Variants in ADIPOR2 observed in about 807,000 individuals in gnomAD.
The protein encoded by ADIPOR2 is adiponectin receptor protein 2.
A neutral mutation model predicts 40.9 loss-of-function variants in ADIPOR2; 18 were observed. The ratio of observed to expected loss-of-function variants is 0.44; its 90% CI spans 0.30 to 0.65. The LOEUF (loss-of-function observed/expected upper bound fraction) is 0.65, where lower values mean the gene tolerates loss of function less well. ADIPOR2 is among the 30% of genes least tolerant of loss of function. The pLI, the probability that ADIPOR2 is intolerant of heterozygous loss-of-function variation, is 0.09. For synonymous variants in ADIPOR2, 165 were observed against 166.4 expected (o/e 0.99, Z 0.06); for missense variants, 283 against 479.2 (o/e 0.59, Z 3.82).
intron 1 of ADIPOR2, among the ~76,000 whole-genome samples, chr12:1,700,194 A>G (rs2094647454): frequency 1.3e-5 from 2 of 152,220 alleles, no homozygotes; most frequent in South Asian, 4.1e-4. Flanking sequence ...AAAAGGGGCA[A>G]AATTAGTTAG....
intron 1 of ADIPOR2, among the ~76,000 whole-genome samples, chr12:1,719,818 G>A (rs1197042383): frequency 6.6e-6 from 1 of 152,102 alleles, no homozygotes; most frequent in Non-Finnish European, 1.5e-5. Flanking sequence ...GGGATTACAG[G>A]TATGTACCAC....
chr12:1,780,968 CA>C lies in ADIPOR2; in HGVS notation c.732del (p.Gln244HisfsTer7). On this transcript the variant is annotated frameshift_variant, in exon 6 of 8. Transcript: ENST00000357103. LOFTEE classifies it high-confidence loss of function. ...TTATTATTCTTTCTACTGTAATCCACAACCTTGCTTCATCTACTTGATTGTC... is the reference window on the plus strand; with the variant it reads ...TTATTATTCTTTCTACTGTAATCCACACCTTGCTTCATCTACTTGATTGTC... ...WLYYSFYCNP[Q>X]PCFIYLIVIC... is the part of the protein sequence containing the mutation. 6.2e-7 allele frequency: 1 copy of C among 1,613,818 alleles called. No individual in the cohort carries two copies. The highest frequency in any genetic ancestry group is 8.5e-7 in the Non-Finnish European group (1 of 1,179,842).
intron 2 of ADIPOR2, among the ~76,000 whole-genome samples, chr12:1,762,291 CAT>C (rs1444196628): frequency 6.6e-6 from 1 of 152,032 alleles, no homozygotes. Context: ...ATTTGTGTGA[CAT>C]ATATTTATGT....
intron 2 of ADIPOR2, among the ~76,000 whole-genome samples, chr12:1,768,637 T>C (rs949168167): frequency 1.3e-5 from 2 of 152,272 alleles, no homozygotes; most frequent in African/African-American, 4.8e-5. Flanking sequence ...ATTATTTTCA[T>C]ATTAGACTGA....
chr12:1,737,695 G>A (rs1470745866), intron 1 of ADIPOR2, among the ~76,000 whole-genome samples: 1 of 152,066 alleles, frequency 6.6e-6, no homozygotes. Context: ...CAATTCTTGT[G>A]CCCCAGCCTC....
intron 2 of ADIPOR2, among the ~76,000 whole-genome samples, chr12:1,771,730 T>C (rs1263241831): frequency 6.6e-6 from 1 of 152,226 alleles, no homozygotes; most frequent in Non-Finnish European, 1.5e-5. Flanking sequence ...TTGTAGTAGA[T>C]TACCCATTGC....
intron 1 of ADIPOR2, among the ~76,000 whole-genome samples, chr12:1,738,209 C>CAAAA (rs56395738): frequency 5.8e-5 from 5 of 85,596 alleles, no homozygotes; most frequent in Non-Finnish European, 6.5e-5. Context: ...CCTGTCTCTA[C>CAAAA]AAAAAAAAAA....
intron 2 of ADIPOR2, among the ~76,000 whole-genome samples, chr12:1,764,787 A>G (rs183063762): frequency 6.6e-6 from 1 of 152,080 alleles, no homozygotes; most frequent in Non-Finnish European, 1.5e-5. Flanking sequence ...CATTGTAATC[A>G]TTCCATATGT....
intron 1 of ADIPOR2, among the ~76,000 whole-genome samples, chr12:1,695,501 A>T (rs2094636633): frequency 6.6e-6 from 1 of 151,108 alleles, no homozygotes; most frequent in Middle Eastern, 3.4e-3. Flanking sequence ...CCAAAAATAT[A>T]TTAAAAAAAA....
intron 1 of ADIPOR2, among the ~76,000 whole-genome samples, chr12:1,713,861 T>C (rs898308824): frequency 6.6e-5 from 10 of 152,020 alleles, no homozygotes; most frequent in Non-Finnish European, 8.8e-5. Flanking sequence ...TAACGGACCT[T>C]GAGGACAGCC....
intron 2 of ADIPOR2, among the ~76,000 whole-genome samples, chr12:1,767,068 G>A (rs987091136): frequency 9.2e-5 from 14 of 151,998 alleles, no homozygotes; most frequent in Admixed American, 2.0e-4. Context: ...TCAGGAGTTC[G>A]AGACCAGCCT....
chr12:1,734,060 G>A (rs916997919), intron 1 of ADIPOR2, among the ~76,000 whole-genome samples: 5 of 152,084 alleles, frequency 3.3e-5, no homozygotes, highest in Admixed American at 1.3e-4. Context: ...ATAGAGTGCC[G>A]CAATAAACAT....
At chr12:1,728,416 G>C (rs945072460) in intron 1 of ADIPOR2, among the ~76,000 whole-genome samples, 12 of 151,686 alleles carry the variant, frequency 7.9e-5, no homozygotes. Context: ...GCCTCATGCA[G>C]AGCTTTAAAA....
At chr12:1,738,251 T>C (rs961627574) in intron 1 of ADIPOR2, among the ~76,000 whole-genome samples, 1 of 150,176 alleles carries the variant, frequency 6.7e-6, no homozygotes, top group Non-Finnish European at 1.5e-5. Context: ...CATGGTGGTA[T>C]GTGCCTGTGG....
rs995305999 is a variant in ADIPOR2 at position 1,754,212 on chromosome 12, C to T, written c.-86-46C>T. ...ATGTGATAATATAACTGATATTTTC[C>T]CCAGCACTCCTTTAATGCATTTTTT... On this transcript the variant is annotated intron_variant, in intron 1 of 7. Transcript: ENST00000357103. 1.6e-5 allele frequency: 13 copies of T among 794,472 alleles called. No individual in the cohort carries two copies. The Admixed American group carries it at 2.5e-4, about 15-fold the overall frequency. 49.2% of individuals were successfully genotyped at this position (794,472 alleles called of 1,614,324 possible).
intron 1 of ADIPOR2, among the ~76,000 whole-genome samples, chr12:1,728,046 C>T (rs1451930117): frequency 6.6e-6 from 1 of 151,944 alleles, no homozygotes; most frequent in Non-Finnish European, 1.5e-5. Flanking sequence ...ATTTCCACAT[C>T]TATTTATGGG....
chr12:1,774,553 A>T (rs1862548509), intron 3 of ADIPOR2, among the ~76,000 whole-genome samples: 1 of 152,230 alleles, frequency 6.6e-6, no homozygotes, highest in African/African-American at 2.4e-5. Flanking sequence ...AAACAGAGAC[A>T]GTTTAATATG....
rs910990532 is a variant in ADIPOR2, at chr12:1,787,405, T to C, written c.*1333T>C. 6.6e-6 allele frequency: 1 copy of C among 152,276 alleles called. No homozygotes were observed. Among genetic ancestry groups the C allele is most frequent in the Non-Finnish European group, 1.5e-5 (1 of 68,056 alleles). 9.4% of individuals were successfully genotyped at this position (152,276 alleles called of 1,614,324 possible). On this transcript the variant is annotated 3_prime_UTR_variant, in exon 8 of 8. Transcript: ENST00000357103. ...CTTAAAGCCAGTTGTAGTACGGAGTTGTCAGCACTCACTGAACCTCACTTT... is the reference window on the plus strand; with the variant it reads ...CTTAAAGCCAGTTGTAGTACGGAGTCGTCAGCACTCACTGAACCTCACTTT...
intron 2 of ADIPOR2, among the ~76,000 whole-genome samples, chr12:1,767,154 C>T (rs1189712092): frequency 6.6e-6 from 1 of 151,494 alleles, no homozygotes; most frequent in Non-Finnish European, 1.5e-5. Context: ...GCCTATAATC[C>T]CAGCTACTCG....
Sources: allele counts gnomAD v4.1 joint callset (sites outside exome capture counted in the v4.1 genomes callset), GRCh38; gene constraint gnomAD v4.1.1; transcripts MANE v1.5; gene names NCBI Gene and HGNC (gene_info 2026-07-23, HGNC 2026-07-21).